Variants in ANK2 observed in about 807,000 individuals in gnomAD.
ANK2 encodes the protein ankyrin-2.
In ANK2, 83 loss-of-function variants were observed where a neutral mutation model predicts 360.5. That is an observed-to-expected ratio of 0.23 (90% CI 0.19 to 0.28). The LOEUF is 0.28. ANK2 is among the 10% of genes least tolerant of loss of function. ANK2 has a pLI of 1.00. For synonymous variants in ANK2, 1,740 were observed against 1,759.5 expected, an observed-to-expected ratio of 0.99 and a Z score of 0.28; for missense variants, 4,201 against 4,795.7, an observed-to-expected ratio of 0.88 and a Z score of 3.66.
chr4:113,076,574 T>C (rs1033827021), intron 1 of ANK2, among the ~76,000 whole-genome samples: 2 of 152,122 alleles, frequency 1.3e-5, no homozygotes, highest in Non-Finnish European at 2.9e-5. Context: ...GGTGAGAGGA[T>C]TACTTGAGCC....
the ANK2 span, among the ~76,000 whole-genome samples, chr4:112,762,696 G>T: frequency 1.3e-5 from 2 of 152,162 alleles, no homozygotes; most frequent in Non-Finnish European, 2.9e-5. Context: ...TTTTGGTAGA[G>T]AGTGGGTTTC....
the ANK2 span, among the ~76,000 whole-genome samples, chr4:112,754,326 C>G: frequency 6.6e-6 from 1 of 151,054 alleles, no homozygotes; most frequent in Admixed American, 6.6e-5. Flanking sequence ...CCTTTCTGGG[C>G]CCCGGTTTCC....
the ANK2 span, among the ~76,000 whole-genome samples, chr4:112,804,582 G>A: frequency 9.2e-5 from 14 of 152,180 alleles, no homozygotes; most frequent in African/African-American, 1.2e-4. Context: ...AGAAGATATC[G>A]AGGACTTGGA....
At chr4:112,756,169 C>T in the ANK2 span, among the ~76,000 whole-genome samples, 9 of 147,442 alleles carry the variant, frequency 6.1e-5, no homozygotes, top group African/African-American at 1.0e-4. Context: ...ACCCGGGAGG[C>T]GGAGTTTGCA....
At chr4:113,321,220 T>C (rs1390262125) in intron 26 of ANK2, among the ~76,000 whole-genome samples, 1 of 152,240 alleles carries the variant, frequency 6.6e-6, no homozygotes, top group Non-Finnish European at 1.5e-5. Context: ...TAATTACTTT[T>C]TAAATAATTA....
chr4:113,097,879 C>CATATATAT (rs1355191650), intron 1 of ANK2, among the ~76,000 whole-genome samples: 140 of 57,878 alleles, frequency 2.4e-3, no homozygotes, highest in Middle Eastern at 9.4e-3. Context: ...TATATATGCA[C>CATATATAT]ACACACACAC....
chr4:113,047,267 G>T (rs2064817720), upstream of ANK2, among the ~76,000 whole-genome samples: 1 of 152,160 alleles, frequency 6.6e-6, no homozygotes, highest in African/African-American at 2.4e-5. Context: ...ACAGTAACAT[G>T]TGTCTCTCAT....
At chr4:113,123,894 A>G (rs1422247742) in intron 1 of ANK2, among the ~76,000 whole-genome samples, 1 of 151,638 alleles carries the variant, frequency 6.6e-6, no homozygotes, top group African/African-American at 2.4e-5. Flanking sequence ...ATGTGTAGAT[A>G]GGAGACACCC....
chr4:113,094,517 CGTGT>C lies in ANK2; in HGVS notation c.84+44723_84+44726del, dbSNP rs35254461. Among the ~76,000 whole-genome samples the C allele has an allele frequency of 6.4e-3, 954 of 149,548 alleles. 3 individuals carry two copies. Among genetic ancestry groups the C allele is most frequent in the Non-Finnish European group, 8.6e-3 (579 of 67,294 alleles). On this transcript the variant is annotated intron_variant, in intron 1 of 45. Coordinates refer to ENST00000357077, the MANE Select transcript of ANK2 (RefSeq NM_001148.6). ...ATGTGATGGAAAAGAGGGTGCAGCA[CGTGT>C]GTGTGTGTGTGTGTGTGCATGCATG...
At chr4:113,299,698 G>A (rs1409637752) in intron 22 of ANK2, among the ~76,000 whole-genome samples, 3 of 127,324 alleles carry the variant, frequency 2.4e-5, no homozygotes, top group African/African-American at 6.2e-5. Flanking sequence ...AGAGTGAAAC[G>A]ACATCTCAAA....
At chr4:112,919,382 TA>T (rs1273537097) in intron 2 of ANK2, among the ~76,000 whole-genome samples, 2 of 152,152 alleles carry the variant, frequency 1.3e-5, no homozygotes, top group Non-Finnish European at 2.9e-5. Context: ...TATTTTAAAT[TA>T]AAAACTATGG....
chr4:113,377,227 T>A (rs761505562), intron 45 of ANK2, among the ~76,000 whole-genome samples: 3 of 152,168 alleles, frequency 2.0e-5, no homozygotes, highest in Non-Finnish European at 4.4e-5. Context: ...TAATTGTATG[T>A]GCTGTGCTTT....
chr4:112,748,365 A>G, the ANK2 span, among the ~76,000 whole-genome samples: 170 of 152,194 alleles, frequency 1.1e-3, 1 homozygote, highest in Admixed American at 7.6e-3. Context: ...CAGTCTTGTT[A>G]GACTTGAGCC....
At chr4:113,062,892 C>T (rs1387306938) in intron 1 of ANK2, among the ~76,000 whole-genome samples, 1 of 152,042 alleles carries the variant, frequency 6.6e-6, no homozygotes, top group Non-Finnish European at 1.5e-5. Flanking sequence ...GTCTACATTA[C>T]TGTACTAATT....
intron 1 of ANK2, among the ~76,000 whole-genome samples, chr4:112,883,510 A>G (rs994066312): frequency 6.6e-6 from 1 of 152,188 alleles, no homozygotes; most frequent in Non-Finnish European, 1.5e-5. Context: ...GAAAAATGGA[A>G]TGTTTAGTAA....
chr4:113,009,914 A>G (rs1459322632), intron 2 of ANK2, among the ~76,000 whole-genome samples: 1 of 135,990 alleles, frequency 7.4e-6, no homozygotes, highest in Non-Finnish European at 1.6e-5. Flanking sequence ...CTAAGGCCCC[A>G]TTGTTGAGAG....
At chr4:113,312,697 C>G (rs943991729) in intron 24 of ANK2, among the ~76,000 whole-genome samples, 2 of 152,060 alleles carry the variant, frequency 1.3e-5, no homozygotes, top group African/African-American at 2.4e-5. Flanking sequence ...GCATTTGAAG[C>G]CTTAACAAGG....
intron 34 of ANK2, among the ~76,000 whole-genome samples, chr4:113,345,277 G>A (rs561437015): frequency 6.6e-6 from 1 of 152,256 alleles, no homozygotes; most frequent in Admixed American, 6.5e-5. Context: ...GAGGTTATTA[G>A]GGGCTGGGCA....
At chr4:113,148,732 G>A (rs2096926566) in intron 1 of ANK2, among the ~76,000 whole-genome samples, 1 of 152,164 alleles carries the variant, frequency 6.6e-6, no homozygotes, top group Admixed American at 6.5e-5. Context: ...CAGACTTTCA[G>A]CATTTATATG....
Sources: allele counts gnomAD v4.1 joint callset (sites outside exome capture counted in the v4.1 genomes callset), GRCh38; gene constraint gnomAD v4.1.1; transcripts MANE v1.5; gene names NCBI Gene and HGNC (gene_info 2026-07-23, HGNC 2026-07-21).